Variants in USH1C observed in about 807,000 individuals in gnomAD.
USH1C encodes the protein USH1 protein network component harmonin.
USH1C carries 90 observed loss-of-function variants against 119.3 expected under a neutral mutation model. The observed-to-expected ratio is 0.75, with a 90% CI of 0.64 to 0.90. The LOEUF is 0.90. Among genes scored for constraint, USH1C ranks in the 40% least tolerant of loss-of-function variants. USH1C has a pLI of 0.00. For synonymous variants in USH1C, 465 were observed against 443.3 expected (o/e 1.05, Z -0.62); for missense variants, 1,165 against 1,167.7 (o/e 1.00, Z 0.03).
chr11:17,517,242 C>A (rs1355525210), intron 14 of USH1C, among the ~76,000 whole-genome samples: 1 of 152,188 alleles, frequency 6.6e-6, no homozygotes, highest in Admixed American at 6.5e-5. Context: ...GCTTTGTGTA[C>A]AGTGCTTGGG....
chr11:17,536,238 G>A (rs915655571), intron 1 of USH1C, among the ~76,000 whole-genome samples: 2 of 152,218 alleles, frequency 1.3e-5, no homozygotes, highest in Non-Finnish European at 2.9e-5. Flanking sequence ...ACCCTGGGTG[G>A]TGACACAAGA....
intron 1 of USH1C, among the ~76,000 whole-genome samples, chr11:17,535,322 G>A (rs1474161598): frequency 6.6e-6 from 1 of 151,796 alleles, no homozygotes; most frequent in East Asian, 2.0e-4. Flanking sequence ...CAGGGCCTTG[G>A]CGTATGCTTG....
At position 17,499,676 on chromosome 11, in the gene USH1C, C is replaced by G. The variant is rs1175258245; in HGVS notation, c.2380+1375G>C. On this transcript the variant is annotated intron_variant, in intron 23 of 26. Transcript: ENST00000005226. ...GCAGCTGCCCAGCTGGGCAGGTCCC[C>G]CTTCTATGGCTGAAATGAAAGCTTA... Among the ~76,000 whole-genome samples, 4 of 152,298 alleles carry G rather than the reference C, an allele frequency of 2.6e-5. No individual in the cohort carries two copies. In the East Asian group the frequency reaches 7.7e-4, roughly 29 times the overall value.
At chr11:17,494,709 T>G (rs567344964) in intron 26 of USH1C, 1 of 408,032 alleles carries the variant, frequency 2.5e-6, no homozygotes, top group Admixed American at 3.5e-5. Context: ...CCCGGCCAAG[T>G]GTCTTGGGAG....
intron 25 of USH1C, 104 bp from the exon 26 acceptor site, chr11:17,495,781 C>A: frequency 7.9e-7 from 1 of 1,269,024 alleles, no homozygotes; most frequent in Non-Finnish European, 1.1e-6. Context: ...TCGGGTTCTG[C>A]CTAGCCCCTG....
In USH1C at chr11:17,501,653, A is replaced by C. The variant is rs111458343; in HGVS notation, c.2227-118T>G. 3.0e-3 allele frequency: 3,773 copies of C among 1,247,280 alleles called. 84 individuals are homozygous for C. The African/African-American group carries it at 0.049, about 16-fold the overall frequency. The allele number at this position is 1,247,280 out of a possible 1,614,324, so 77.3% of individuals were successfully genotyped here. A position where few individuals can be genotyped will look rare whatever the true frequency, so the allele number is the denominator to read the frequency against. On this transcript the variant is annotated intron_variant, in intron 21 of 26. Transcript: ENST00000005226. Reference sequence around the variant, plus strand: ...ACTGGGCCCCACAGAGCACATGGGCAAGGGGACCGTGCCCAGCCCCACCCC... The same window carrying C: ...ACTGGGCCCCACAGAGCACATGGGCCAGGGGACCGTGCCCAGCCCCACCCC...
At chr11:17,498,542 G>C (rs1591956950) in intron 23 of USH1C, among the ~76,000 whole-genome samples, 1 of 152,112 alleles carries the variant, frequency 6.6e-6, no homozygotes, top group Non-Finnish European at 1.5e-5. Flanking sequence ...ATTACAGAGG[G>C]ACACAGACCT....
chr11:17,529,969 C>G (rs554501319), intron 4 of USH1C, among the ~76,000 whole-genome samples: 1 of 152,200 alleles, frequency 6.6e-6, no homozygotes, highest in Non-Finnish European at 1.5e-5. Flanking sequence ...TATGTGTTTT[C>G]TCTGGCTGCA....
chr11:17,517,599 G>A, intron 14 of USH1C: 2 of 917,536 alleles, frequency 2.2e-6, no homozygotes, highest in Non-Finnish European at 3.4e-6. Context: ...TGTGAGGTCA[G>A]GGGCAGGGGA....
At chr11:17,523,824 C>A (rs928357107) in intron 9 of USH1C, among the ~76,000 whole-genome samples, 3 of 152,210 alleles carry the variant, frequency 2.0e-5, no homozygotes, top group African/African-American at 7.2e-5. Context: ...TGTGTTGAAT[C>A]GTCATAACAG....
At chr11:17,515,094 TCTAG>T (rs2133842236) in intron 15 of USH1C, among the ~76,000 whole-genome samples, 1 of 151,952 alleles carries the variant, frequency 6.6e-6, no homozygotes, top group East Asian at 1.9e-4. Context: ...TTTTGTCCTC[TCTAG>T]CTGAGTTCTA....
intron 24 of USH1C, 43 bp downstream of exon 24, chr11:17,498,119 C>T (rs752539283): frequency 1.3e-6 from 2 of 1,578,932 alleles, no homozygotes; most frequent in East Asian, 2.2e-5. Context: ...GGGTTTGAGG[C>T]AGGCAGGTGA....
chr11:17,494,960 C>T (rs909804880), intron 26 of USH1C: 5 of 215,538 alleles, frequency 2.3e-5, no homozygotes, highest in South Asian at 8.5e-5. Flanking sequence ...CAGAGAAGAC[C>T]GTTTGGTCTA....
chr11:17,524,423 C>A, intron 9 of USH1C, 28 bp downstream of exon 9: 1 of 1,557,376 alleles, frequency 6.4e-7, no homozygotes, highest in Non-Finnish European at 8.7e-7. Flanking sequence ...CAGTGGGCCC[C>A]CACTGGGGCC....
At chr11:17,530,349 G>A (rs986253494) in intron 4 of USH1C, among the ~76,000 whole-genome samples, 14 of 152,216 alleles carry the variant, frequency 9.2e-5, no homozygotes, top group African/African-American at 3.4e-4. Context: ...CACCTGCGTT[G>A]CTGAAGAGAG....
chr11:17,526,855 G>A (rs773234677), intron 6 of USH1C, 45 bp from the exon 7 acceptor site: 13 of 747,380 alleles, frequency 1.7e-5, no homozygotes, highest in Admixed American at 4.1e-5. Context: ...AGCGAGAGAC[G>A]TTTGAGGAAC....
intron 1 of USH1C, among the ~76,000 whole-genome samples, chr11:17,539,833 CTT>C (rs34881002): frequency 0.34 from 42,067 of 125,430 alleles, 4,863 homozygotes; most frequent in East Asian, 0.47. Context: ...CTTTCTTTTT[CTT>C]TTTTTTTTTT....
At chr11:17,541,250 TTTG>T (rs1479269654) in intron 1 of USH1C, among the ~76,000 whole-genome samples, 3 of 152,322 alleles carry the variant, frequency 2.0e-5, no homozygotes, top group Admixed American at 2.0e-4. Flanking sequence ...GTATGATACT[TTTG>T]TTGATTTCCT....
chr11:17,526,979 CA>C, intron 6 of USH1C, 36 bp downstream of exon 6: 1 of 1,563,432 alleles, frequency 6.4e-7, no homozygotes, highest in Non-Finnish European at 8.7e-7. Context: ...CCTGGGCCCA[CA>C]GGGAAGAGTT....
Sources: gnomAD v4.1 joint callset for allele counts (sites outside exome capture counted in the v4.1 genomes callset) on GRCh38, gnomAD v4.1.1 for gene constraint, MANE v1.5 for transcripts, NCBI Gene and HGNC (gene_info 2026-07-23, HGNC 2026-07-21) for gene names.